BCAS3: variants seen among roughly 807,000 people sequenced by gnomAD.
The protein encoded by BCAS3 is BCAS3 microtubule associated cell migration factor, also known as BCAS4/BCAS3 fusion.
A neutral mutation model predicts 116.1 loss-of-function variants in BCAS3; 53 were observed. The observed-to-expected ratio is 0.46, with a 90% CI of 0.37 to 0.57. The LOEUF (loss-of-function observed/expected upper bound fraction) is 0.57. BCAS3 is among the 20% of genes least tolerant of loss of function. BCAS3 has a pLI of 0.00. For missense variants in BCAS3, 917 were observed against 1,165.4 expected (o/e 0.79, Z 3.10); for synonymous variants, 391 against 408.2 (o/e 0.96, Z 0.51).
intron 22 of BCAS3, among the ~76,000 whole-genome samples, chr17:61,209,584 G>T (rs1304482900): frequency 1.3e-5 from 2 of 152,192 alleles, no homozygotes; most frequent in Non-Finnish European, 2.9e-5. Context: ...ATGTGTTTCT[G>T]TATGGTTTGT....
In BCAS3 at chr17:61,252,039, C is replaced by T. The variant is rs2048408968; in HGVS notation, c.2426-116288C>T. 3.3e-5 allele frequency among the ~76,000 whole-genome samples: 5 copies of T among 152,180 alleles called. No homozygotes were observed. The South Asian group carries it at 1.0e-3, about 31-fold the overall frequency. ...CTCAACAGTTATCAAGAAACAGATA[C>T]TACAGTTTTATAACACGAAGTACTA... On this transcript the variant is annotated intron_variant, in intron 22 of 23. Transcript: ENST00000407086.
At chr17:60,737,287 T>G (rs2041079834) in intron 5 of BCAS3, among the ~76,000 whole-genome samples, 1 of 152,178 alleles carries the variant, frequency 6.6e-6, no homozygotes, top group East Asian at 1.9e-4. Context: ...TCTCTGTTTC[T>G]TTTTCAATTA....
chr17:60,823,732 T>A (rs1473012035), intron 7 of BCAS3, among the ~76,000 whole-genome samples: 1 of 152,208 alleles, frequency 6.6e-6, no homozygotes, highest in African/African-American at 2.4e-5. Flanking sequence ...GAAATGTAAA[T>A]TGTATGTAAT....
intron 22 of BCAS3, among the ~76,000 whole-genome samples, chr17:61,103,025 T>TA (rs1393185024): frequency 6.6e-6 from 1 of 152,158 alleles, no homozygotes; most frequent in African/African-American, 2.4e-5. Context: ...TGAATCCCTA[T>TA]AGCAGTCTGA....
At chr17:60,737,518 A>G (rs1050156358) in intron 5 of BCAS3, among the ~76,000 whole-genome samples, 21 of 152,026 alleles carry the variant, frequency 1.4e-4, no homozygotes, top group Middle Eastern at 3.4e-3. Context: ...TTGTTTTATA[A>G]TATATTCAGT....
At chr17:60,848,566 A>G (rs1337059005) in intron 7 of BCAS3, among the ~76,000 whole-genome samples, 1 of 152,080 alleles carries the variant, frequency 6.6e-6, no homozygotes, top group African/African-American at 2.4e-5. Context: ...TAGATCTTTC[A>G]GTACAGTGTT....
At position 61,208,583 on chromosome 17, in the gene BCAS3, A is replaced by G. The variant is rs1390459140; in HGVS notation, c.2425+124019A>G. Among the ~76,000 whole-genome samples, 1 of 152,222 alleles carries G rather than the reference A, an allele frequency of 6.6e-6. No homozygotes were observed. The highest frequency in any genetic ancestry group is 2.4e-5 in the African/African-American group (1 of 41,462). On this transcript the variant is annotated intron_variant, in intron 22 of 23. Transcript: ENST00000407086. The surrounding 1 kb of genome is among the most constrained non-coding windows in gnomAD (Gnocchi z 4.5). ...AGAGGGAGAAACAAAGCACGTGGTC[A>G]TCCCAAATGCTAATATCAGAGACTC...
intron 22 of BCAS3, among the ~76,000 whole-genome samples, chr17:61,277,358 A>G (rs748410050): frequency 2.4e-4 from 36 of 152,072 alleles, no homozygotes; most frequent in Non-Finnish European, 4.4e-4. Flanking sequence ...AAAATGGATC[A>G]AAGACCTAAA....
chr17:61,298,791 A>ATTTAT (rs2053166296), intron 22 of BCAS3, among the ~76,000 whole-genome samples: 1 of 145,392 alleles, frequency 6.9e-6, no homozygotes, highest in African/African-American at 2.6e-5. Context: ...GTCACATGCC[A>ATTTAT]TTATTTATTT....
At chr17:60,871,648 G>T (rs571494123) in intron 8 of BCAS3, among the ~76,000 whole-genome samples, 41 of 149,852 alleles carry the variant, frequency 2.7e-4, no homozygotes, top group African/African-American at 9.7e-4. Context: ...ATTTAGTGAA[G>T]TCAATATGAG....
intron 7 of BCAS3, among the ~76,000 whole-genome samples, chr17:60,853,723 AC>A: frequency 6.6e-6 from 1 of 152,016 alleles, no homozygotes; most frequent in Middle Eastern, 3.4e-3. Context: ...TATTTAACAG[AC>A]TTAAATAAAA....
At chr17:60,965,136 G>C (rs889024516) in intron 14 of BCAS3, among the ~76,000 whole-genome samples, 1 of 151,612 alleles carries the variant, frequency 6.6e-6, no homozygotes, top group Non-Finnish European at 1.5e-5. Flanking sequence ...TTCATTTGAA[G>C]CCTTTCATTT....
rs924950535 is a variant in BCAS3 at position 61,279,988 on chromosome 17, G to A, written c.2426-88339G>A. ...GTTTAGCTTGGCTCCAGAACCATAA[G>A]TACTTTCCTTTAGTCAAATATTTAT... On this transcript the variant is annotated intron_variant, in intron 22 of 23. Transcript: ENST00000407086. The surrounding 1 kb of genome is among the most constrained non-coding windows in gnomAD (Gnocchi z 4.4). Among the ~76,000 whole-genome samples, 6 of 152,082 alleles carry A rather than the reference G, an allele frequency of 3.9e-5. No homozygotes were observed. Among genetic ancestry groups the A allele is most frequent in the Admixed American group, 2.0e-4 (3 of 15,274 alleles).
At chr17:61,193,146 C>G (rs1356206532) in intron 22 of BCAS3, among the ~76,000 whole-genome samples, 1 of 152,114 alleles carries the variant, frequency 6.6e-6, no homozygotes, top group Non-Finnish European at 1.5e-5. Context: ...CCTGTAATCC[C>G]AGCTAGTCAG....
At chr17:61,117,946 C>G (rs2075573953) in intron 22 of BCAS3, among the ~76,000 whole-genome samples, 2 of 152,114 alleles carry the variant, frequency 1.3e-5, no homozygotes, top group Non-Finnish European at 2.9e-5. Flanking sequence ...CTCATTGAAA[C>G]ATTTTTATCA....
chr17:60,728,984 A>G (rs1249172510), intron 5 of BCAS3, among the ~76,000 whole-genome samples: 1 of 152,322 alleles, frequency 6.6e-6, no homozygotes, highest in East Asian at 1.9e-4. Context: ...AAAATTTTCC[A>G]GTCAATATTT....
At chr17:60,953,868 G>A (rs1417230530) in intron 14 of BCAS3, among the ~76,000 whole-genome samples, 6 of 151,842 alleles carry the variant, frequency 4.0e-5, no homozygotes, top group Non-Finnish European at 7.4e-5. Context: ...CGAGTAGCTG[G>A]GCTTAGAGGC....
intron 5 of BCAS3, among the ~76,000 whole-genome samples, chr17:60,729,887 T>A (rs2040287139): frequency 6.6e-6 from 1 of 152,220 alleles, no homozygotes; most frequent in Admixed American, 6.5e-5. Flanking sequence ...AGGCCGACAC[T>A]CTCTATAATG....
At chr17:61,197,167 GTA>G (rs998760598) in intron 22 of BCAS3, among the ~76,000 whole-genome samples, 1 of 152,220 alleles carries the variant, frequency 6.6e-6, no homozygotes, top group African/African-American at 2.4e-5. Context: ...AAGGTGAAGA[GTA>G]TATGACTTTC....
Sources: gnomAD v4.1 joint callset for allele counts (sites outside exome capture counted in the v4.1 genomes callset) on GRCh38, gnomAD v4.1.1 for gene constraint, Gnocchi (gnomAD v3.1) non-coding constraint, MANE v1.5 for transcripts, NCBI Gene and HGNC (gene_info 2026-07-23, HGNC 2026-07-21) for gene names.